ZZZ3: variants seen among roughly 807,000 people sequenced by gnomAD.
The protein encoded by ZZZ3 is ZZ-type zinc finger-containing protein 3.
ZZZ3 carries 22 observed loss-of-function variants against 95.2 expected under a neutral mutation model. The observed-to-expected ratio is 0.23, with a 90% confidence interval of 0.17 to 0.33. The LOEUF is 0.33. Ranked by LOEUF, ZZZ3 falls within the 10% of genes least tolerant of loss-of-function variation. The pLI, the probability that ZZZ3 is intolerant of heterozygous loss-of-function variation, is 1.00. For missense variants in ZZZ3, 885 were observed against 1,066.5 expected (o/e 0.83, Z 2.37); for synonymous variants, 335 against 358.9 (o/e 0.93, Z 0.75).
chr1:77,661,058 A>C (rs1670735994), intron 1 of ZZZ3, among the ~76,000 whole-genome samples: 2 of 148,892 alleles, frequency 1.3e-5, no homozygotes, highest in African/African-American at 4.9e-5. Context: ...TTTAACGCAA[A>C]AAAAAAAAAA....
At chr1:77,609,414 G>T (rs2100721346) in intron 5 of ZZZ3, among the ~76,000 whole-genome samples, 1 of 152,246 alleles carries the variant, frequency 6.6e-6, no homozygotes. Flanking sequence ...GCTAAAGAGA[G>T]AGATAGACCC....
chr1:77,567,404 A>G (rs946225927), intron 13 of ZZZ3, among the ~76,000 whole-genome samples: 1 of 152,204 alleles, frequency 6.6e-6, no homozygotes, highest in Non-Finnish European at 1.5e-5. Context: ...GGTCAGTTCC[A>G]AACCCACTGC....
intron 4 of ZZZ3, among the ~76,000 whole-genome samples, chr1:77,635,825 G>A (rs1462695876): frequency 6.6e-6 from 1 of 152,252 alleles, no homozygotes; most frequent in South Asian, 2.1e-4. Flanking sequence ...AGAATCGCTT[G>A]AACCCAGGAG....
chr1:77,619,536 C>A (rs1666645719), intron 5 of ZZZ3, among the ~76,000 whole-genome samples: 1 of 152,120 alleles, frequency 6.6e-6, no homozygotes, highest in Non-Finnish European at 1.5e-5. Flanking sequence ...GCTTCTAATG[C>A]CTACTGGCAA....
rs1665551505 is a variant in ZZZ3, at chr1:77,609,339, T to C, written c.1505+22511A>G. Among the ~76,000 whole-genome samples the C allele has an allele frequency of 1.3e-5, 2 of 152,050 alleles. 1 individual carries two copies. Among genetic ancestry groups the C allele is most frequent in the South Asian group, 4.1e-4 (2 of 4,830 alleles). On this transcript the variant is annotated intron_variant, in intron 5 of 14. Transcript: ENST00000370801. ...GGGATCAATTCAGCAAGAGGATATA[T>C]CAATTAGAAATATATATGCACTCAA...
At chr1:77,592,501 C>T (rs1663807657) in intron 5 of ZZZ3, among the ~76,000 whole-genome samples, 1 of 151,982 alleles carries the variant, frequency 6.6e-6, no homozygotes, top group African/African-American at 2.4e-5. Flanking sequence ...GGGGTTTCAC[C>T]ATGTTGGTCA....
chr1:77,633,561 C>CT (rs1668022973), intron 4 of ZZZ3, among the ~76,000 whole-genome samples, 156 bp from the exon 5 acceptor site: 1 of 152,176 alleles, frequency 6.6e-6, no homozygotes, highest in African/African-American at 2.4e-5. Context: ...GATAAAAATT[C>CT]TTTAACGTTT....
At chr1:77,577,002 G>A (rs985617567) in intron 11 of ZZZ3, among the ~76,000 whole-genome samples, 1 of 152,156 alleles carries the variant, frequency 6.6e-6, no homozygotes, top group Admixed American at 6.5e-5. Flanking sequence ...TTCTTGTTCA[G>A]TGTGTTGCAG....
intron 1 of ZZZ3, among the ~76,000 whole-genome samples, chr1:77,670,816 T>G (rs1309350412): frequency 6.6e-6 from 1 of 151,064 alleles, no homozygotes. Context: ...AGGGCTGTCA[T>G]GCGGGTATGC....
At chr1:77,673,576 GAC>G (rs1322018160) in intron 1 of ZZZ3, among the ~76,000 whole-genome samples, 2 of 152,074 alleles carry the variant, frequency 1.3e-5, no homozygotes. Flanking sequence ...CATCCTGGGT[GAC>G]AGAGTGAGAC....
chr1:77,583,374 T>C (rs1451635210), intron 6 of ZZZ3, among the ~76,000 whole-genome samples: 9 of 152,308 alleles, frequency 5.9e-5, no homozygotes, highest in Admixed American at 5.9e-4. Flanking sequence ...TATATCTTTT[T>C]GTACCAGTAA....
At chr1:77,640,657 C>G (rs1298350618) in intron 3 of ZZZ3, among the ~76,000 whole-genome samples, 1 of 150,994 alleles carries the variant, frequency 6.6e-6, no homozygotes, top group Non-Finnish European at 1.5e-5. Flanking sequence ...ACTATGAGTG[C>G]CCATCTGAAA....
intron 5 of ZZZ3, among the ~76,000 whole-genome samples, chr1:77,625,052 CAG>C (rs984667712): frequency 2.0e-5 from 3 of 152,102 alleles, no homozygotes; most frequent in East Asian, 1.9e-4. Flanking sequence ...AGTACTGAGA[CAG>C]AGTGAGTATA....
chr1:77,648,561 C>A (rs1669511380), intron 1 of ZZZ3, among the ~76,000 whole-genome samples: 1 of 151,976 alleles, frequency 6.6e-6, no homozygotes, highest in Non-Finnish European at 1.5e-5. Context: ...TGAATTGATT[C>A]TTCTACTTAG....
rs914346925 is a variant in ZZZ3 at position 77,565,957 on chromosome 1, C to A, written c.2567+124G>T. On this transcript the variant is annotated intron_variant, in intron 14 of 14. Coordinates refer to ENST00000370801, the MANE Select transcript of ZZZ3 (RefSeq NM_015534.6). ...ACAGAAAAAAATTAATTGCCTAGAA[C>A]AACAAAATTTAATTCACTAAGTGTG... The A allele has an allele frequency of 1.5e-5, 17 of 1,114,740 alleles. No homozygotes were observed. In the African/African-American group the frequency reaches 2.4e-4, roughly 16 times the overall value. The allele number at this position is 1,114,740 out of a possible 1,614,324, so 69.1% of individuals were successfully genotyped here. A position where few individuals can be genotyped will look rare whatever the true frequency, so the allele number is the denominator to read the frequency against.
chr1:77,582,232 A>C, intron 6 of ZZZ3, 106 bp from the exon 7 acceptor site: 1 of 926,402 alleles, frequency 1.1e-6, no homozygotes, highest in Non-Finnish European at 1.6e-6. Context: ...CAAATAATCA[A>C]TGGGGCATTT....
At chr1:77,668,053 C>T (rs968813425) in intron 1 of ZZZ3, among the ~76,000 whole-genome samples, 2 of 151,774 alleles carry the variant, frequency 1.3e-5, no homozygotes, top group African/African-American at 2.4e-5. Flanking sequence ...AGGTGTGAGC[C>T]GCTACACCTG....
At chr1:77,635,384 T>A (rs1316942240) in intron 4 of ZZZ3, among the ~76,000 whole-genome samples, 1 of 152,172 alleles carries the variant, frequency 6.6e-6, no homozygotes, top group Non-Finnish European at 1.5e-5. Context: ...AAGTGAACAA[T>A]AAGTACAAGA....
chr1:77,667,619 TTACA>T (rs1252235807), intron 1 of ZZZ3, among the ~76,000 whole-genome samples: 2 of 152,152 alleles, frequency 1.3e-5, no homozygotes, highest in Non-Finnish European at 2.9e-5. Flanking sequence ...TCTTCATACA[TTACA>T]TAGATTGTGA....
Sources: allele counts gnomAD v4.1 joint callset (sites outside exome capture counted in the v4.1 genomes callset), GRCh38; gene constraint gnomAD v4.1.1; transcripts MANE v1.5; gene names NCBI Gene and HGNC (gene_info 2026-07-23, HGNC 2026-07-21).